Variants in TAOK1 observed in about 807,000 individuals in gnomAD.
The protein encoded by TAOK1 is TAO kinase 1, also known as serine/threonine-protein kinase TAO1.
A neutral mutation model predicts 138.3 loss-of-function variants in TAOK1; 21 were observed. That is an observed-to-expected ratio of 0.15 (90% CI 0.11 to 0.22). TAOK1 has a LOEUF of 0.22. Ranked by LOEUF, TAOK1 falls within the 10% of genes least tolerant of loss-of-function variation. TAOK1 has a pLI of 1.00. For missense variants in TAOK1, 651 were observed against 1,227.7 expected, an observed-to-expected ratio of 0.53 and a Z score of 7.02; for synonymous variants, 361 against 398.4, an observed-to-expected ratio of 0.91 and a Z score of 1.12.
intron 1 of TAOK1, among the ~76,000 whole-genome samples, chr17:29,450,592 A>G (rs1300161007): frequency 2.6e-5 from 4 of 151,992 alleles, no homozygotes; most frequent in Admixed American, 1.3e-4. Context: ...GCTCACTGCA[A>G]CCTTGACCTC....
intron 7 of TAOK1, 115 bp from the exon 8 acceptor site, chr17:29,482,082 A>G (rs1313515942): frequency 2.9e-6 from 2 of 695,898 alleles, no homozygotes; most frequent in Non-Finnish European, 4.8e-6. Flanking sequence ...TCTTATGTCC[A>G]GATATATTGG....
chr17:29,537,161 G>C (rs2032237163), intron 19 of TAOK1, among the ~76,000 whole-genome samples: 1 of 152,140 alleles, frequency 6.6e-6, no homozygotes, highest in Non-Finnish European at 1.5e-5. Context: ...CCACCTAGTG[G>C]TTAACAGTTA....
At chr17:29,471,554 G>A (rs1291303273) in intron 3 of TAOK1, among the ~76,000 whole-genome samples, 1 of 151,904 alleles carries the variant, frequency 6.6e-6, no homozygotes, top group Non-Finnish European at 1.5e-5. Context: ...TGGAATTACA[G>A]GCGTGAGCCA....
chr17:29,542,898 G>T lies in TAOK1; in HGVS notation c.2882G>T (p.Gly961Val). Residue 961 changes from glycine to valine, a missense_variant, in exon 20 of 20, where the codon GGA becomes GTA. Gly to Val is a moderately radical substitution (Grantham distance 109). This residue lies in a region of TAOK1 where 108 missense variants were observed against 120.3 expected (regional missense o/e 0.90). Transcript: ENST00000261716. ...MQGVPRGSSM[G>V]VRNSPQALRR... is the part of the protein sequence containing the mutation. Reference sequence around the variant, plus strand: ...GGGGTACCTCGAGGTAGCAGTATGGGAGTCCGCAATAGCCCCCAGGCTCTG... The same window carrying T: ...GGGGTACCTCGAGGTAGCAGTATGGTAGTCCGCAATAGCCCCCAGGCTCTG... 1 of 1,613,904 alleles carries T rather than the reference G, an allele frequency of 6.2e-7. No homozygotes were observed. Among genetic ancestry groups the T allele is most frequent in the Non-Finnish European group, 8.5e-7 (1 of 1,179,938 alleles).
chr17:29,515,253 G>A (rs543506624), intron 15 of TAOK1, among the ~76,000 whole-genome samples: 5 of 152,156 alleles, frequency 3.3e-5, no homozygotes, highest in African/African-American at 1.2e-4. Flanking sequence ...CTTATGCTGA[G>A]TCCTTCCATA....
chr17:29,547,762 A>G lies in TAOK1; in HGVS notation c.*4740A>G, dbSNP rs542864170. 6.6e-6 allele frequency: 1 copy of G among 152,186 alleles called. No individual in the cohort carries two copies. Among genetic ancestry groups the G allele is most frequent in the African/African-American group, 2.4e-5 (1 of 41,546 alleles). The allele number at this position is 152,186 out of a possible 1,614,324, so 9.4% of individuals were successfully genotyped here. On this transcript the variant is annotated 3_prime_UTR_variant, in exon 20 of 20. Transcript: ENST00000261716. The stretch of plus-strand genomic sequence containing the variant: ...CCCATCTAACATGATAGTGCCCCCA[A>G]CCAGGTTGTAGCATTGCCTTTTAAA...
intron 10 of TAOK1, among the ~76,000 whole-genome samples, chr17:29,494,601 C>T (rs954349802): frequency 7.2e-5 from 11 of 151,928 alleles, no homozygotes; most frequent in East Asian, 1.9e-4. Flanking sequence ...GCGAGGTGGG[C>T]GGATCACGAG....
At chr17:29,406,685 C>G (rs898844026) in intron 1 of TAOK1, among the ~76,000 whole-genome samples, 1 of 151,930 alleles carries the variant, frequency 6.6e-6, no homozygotes, top group African/African-American at 2.4e-5. Flanking sequence ...GAGTGCACTA[C>G]CCACCCCCCC....
intron 1 of TAOK1, among the ~76,000 whole-genome samples, chr17:29,442,741 A>G (rs571046981): frequency 9.2e-4 from 140 of 152,310 alleles, no homozygotes; most frequent in Middle Eastern, 3.4e-3. Flanking sequence ...TCCATACAAT[A>G]GGATACTGCT....
chr17:29,530,316 C>T, intron 17 of TAOK1, 91 bp from the exon 18 acceptor site: 1 of 1,162,876 alleles, frequency 8.6e-7, no homozygotes, highest in Non-Finnish European at 1.2e-6. Context: ...CATTTTTTTC[C>T]TAGTAGCCTT....
rs2032501327 is a variant in TAOK1, at chr17:29,551,831, G to C, written c.*8809G>C. The C allele has an allele frequency of 6.6e-6, 1 of 152,598 alleles. No individual in the cohort carries two copies. The highest frequency in any genetic ancestry group is 2.4e-5 in the African/African-American group (1 of 41,442). 9.5% of individuals were successfully genotyped at this position (152,598 alleles called of 1,614,324 possible). On this transcript the variant is annotated 3_prime_UTR_variant, in exon 20 of 20. Transcript: ENST00000261716. ...CAAGGTCATATGTAATATTTTGTTT[G>C]TAAGTATCCTTTGTATCATAGCAAA...
intron 13 of TAOK1, among the ~76,000 whole-genome samples, chr17:29,504,261 T>C (rs1453173792): frequency 4.7e-5 from 4 of 85,956 alleles, no homozygotes; most frequent in Middle Eastern, 0.02. Context: ...TGGGTGACAG[T>C]GCCAGACCCT....
chr17:29,413,340 T>G (rs1905189663), intron 1 of TAOK1, among the ~76,000 whole-genome samples: 1 of 152,210 alleles, frequency 6.6e-6, no homozygotes, highest in African/African-American at 2.4e-5. Context: ...CTCATGCCTG[T>G]AAGCCCAGCA....
intron 11 of TAOK1, among the ~76,000 whole-genome samples, chr17:29,496,579 C>CT (rs748595265): frequency 0.4 from 34,902 of 88,116 alleles, 7,199 homozygotes; most frequent in East Asian, 0.66. Flanking sequence ...CCATCTACAC[C>CT]TTTTTTTTTT....
rs575761259 is a variant in TAOK1 at position 29,397,835 on chromosome 17, G to A, written c.-95+6811G>A. 1.5e-3 allele frequency among the ~76,000 whole-genome samples: 230 copies of A among 150,760 alleles called. 1 individual carries two copies. The highest frequency in any genetic ancestry group is 5.1e-3 in the African/African-American group (209 of 41,130). On this transcript the variant is annotated intron_variant, in intron 1 of 19. Transcript: ENST00000261716. ...TATATGTATATACATGTATATATATGTGTATATATATATATGTATGTCACC... is the reference window on the plus strand; with the variant it reads ...TATATGTATATACATGTATATATATATGTATATATATATATGTATGTCACC...
intron 6 of TAOK1, 90 bp from the exon 7 acceptor site, chr17:29,480,278 C>A: frequency 1.2e-6 from 1 of 869,490 alleles, no homozygotes; most frequent in Non-Finnish European, 1.7e-6. Flanking sequence ...TTCTCTTTCT[C>A]TATCCTATGA....
At chr17:29,482,315 A>G (rs752613174) in intron 8 of TAOK1, 27 bp downstream of exon 8, 17 of 1,552,332 alleles carry the variant, frequency 1.1e-5, no homozygotes, top group Middle Eastern at 1.7e-4. Flanking sequence ...ATTACTATGG[A>G]TTAAGTTTTG....
Position 29,547,285 on chromosome 17 carries a change from A to C in TAOK1, c.*4263A>C, listed in dbSNP as rs532465485. On this transcript the variant is annotated 3_prime_UTR_variant, in exon 20 of 20. Coordinates refer to ENST00000261716, the MANE Select transcript of TAOK1 (RefSeq NM_020791.4). ...ACAGCCAAGAAAGGAATTACTGCTA[A>C]AGCATCTAAGATTCTCCTGAACTGT... is the stretch of plus-strand genomic sequence containing the variant. The C allele has an allele frequency of 1.4e-4, 22 of 152,260 alleles. No individual in the cohort carries two copies. The highest frequency in any genetic ancestry group is 5.1e-4 in the African/African-American group (21 of 41,564). The allele number at this position is 152,260 out of a possible 1,614,324, so 9.4% of individuals were successfully genotyped here.
intron 17 of TAOK1, among the ~76,000 whole-genome samples, chr17:29,524,891 A>G (rs1181088348): frequency 1.3e-5 from 2 of 152,226 alleles, no homozygotes; most frequent in African/African-American, 4.8e-5. Context: ...GCTGCCATCC[A>G]GATGATGCTT....
Sources: allele counts gnomAD v4.1 joint callset (sites outside exome capture counted in the v4.1 genomes callset), GRCh38; gene constraint gnomAD v4.1.1; regional missense constraint gnomAD v4.1.1; transcripts MANE v1.5; gene names NCBI Gene and HGNC (gene_info 2026-07-23, HGNC 2026-07-21).